Variants in ZNF91 observed in about 807,000 individuals in gnomAD.
ZNF91 encodes the protein zinc finger protein 91 (HPF7, HTF10).
ZNF91 carries 7 observed loss-of-function variants against 12.6 expected under a neutral mutation model. The observed-to-expected ratio is 0.55, with a 90% CI of 0.31 to 1.04. The LOEUF (loss-of-function observed/expected upper bound fraction) is 1.04. ZNF91 is among the 50% of genes least tolerant of loss of function. The pLI, the probability that ZNF91 is intolerant of heterozygous loss-of-function variation, is 0.05. For synonymous variants in ZNF91, 453 were observed against 462.6 expected (o/e 0.98, Z 0.27); for missense variants, 1,217 against 1,385.4 (o/e 0.88, Z 1.93).
At chr19:23,320,435 T>G (rs1470305126) in intron 1 of ZNF91, among the ~76,000 whole-genome samples, 1 of 152,208 alleles carries the variant, frequency 6.6e-6, no homozygotes, top group African/African-American at 2.4e-5. Context: ...GGGATTTAAT[T>G]GACTCACAGT....
exon 1 of ZNF91, chr19:23,310,549 T>C (rs1370353534): frequency 3.3e-5 from 5 of 152,204 alleles, no homozygotes; most frequent in African/African-American, 1.2e-4. Flanking sequence ...CTCTCATACC[T>C]AGAATTTGGA....
chr19:23,326,098 C>G (rs1967832557), intron 1 of ZNF91: 1 of 152,204 alleles, frequency 6.6e-6, no homozygotes, highest in Non-Finnish European at 1.5e-5. Context: ...CCCCTTCCCC[C>G]AGCAAAGAAT....
intron 1 of ZNF91, among the ~76,000 whole-genome samples, chr19:23,382,049 C>CAAAAAAAAAAAAAAAAAAAA (rs60814223): frequency 1.3e-5 from 1 of 79,402 alleles, no homozygotes; most frequent in African/African-American, 4.1e-5. Context: ...AATCCTGAGA[C>CAAAAAAAAAAAAAAAAAAAA]AAAAAAAAAA....
intron 1 of ZNF91, among the ~76,000 whole-genome samples, chr19:23,322,110 C>T (rs1001043016): frequency 4.6e-5 from 7 of 152,292 alleles, no homozygotes; most frequent in Non-Finnish European, 8.8e-5. Context: ...CATGCATCGT[C>T]CCTGCCCCTT....
intron 1 of ZNF91, among the ~76,000 whole-genome samples, chr19:23,323,277 TTC>T (rs1285694696): frequency 6.9e-6 from 1 of 145,322 alleles, no homozygotes; most frequent in African/African-American, 2.5e-5. Context: ...TTCTTCTTTC[TTC>T]TCTCCTCCTC....
At chr19:23,312,934 T>C (rs1436141516), upstream of ZNF91, among the ~76,000 whole-genome samples, 1 of 152,150 alleles carries the variant, frequency 6.6e-6, no homozygotes, top group South Asian at 2.1e-4. Flanking sequence ...TGTTGGAAAA[T>C]TGACTCTTAT....
intron 1 of ZNF91, among the ~76,000 whole-genome samples, chr19:23,386,962 GA>G (rs1244112433): frequency 6.6e-6 from 1 of 151,888 alleles, no homozygotes; most frequent in Non-Finnish European, 1.5e-5. Flanking sequence ...AGTTTACAAG[GA>G]AAAAATACCT....
intron 1 of ZNF91, chr19:23,324,090 T>C (rs974736163): frequency 4.0e-5 from 6 of 149,906 alleles, no homozygotes; most frequent in Non-Finnish European, 7.4e-5. Context: ...TCCTCCTCCT[T>C]CTCTTCCTTT....
chr19:23,373,387 A>ATATAT (rs1568395319), intron 3 of ZNF91, among the ~76,000 whole-genome samples: 826 of 77,918 alleles, frequency 0.011, 29 homozygotes, highest in Middle Eastern at 0.016. Flanking sequence ...TATATATATA[A>ATATAT]ATAAACAGTA....
intron 1 of ZNF91, among the ~76,000 whole-genome samples, chr19:23,333,545 ATG>A (rs1375279859): frequency 6.6e-6 from 1 of 152,160 alleles, no homozygotes; most frequent in African/African-American, 2.4e-5. Flanking sequence ...TGTTTTGAGT[ATG>A]TTTGAGATGG....
At chr19:23,324,545 A>T (rs1488685815) in intron 1 of ZNF91, 1 of 150,978 alleles carries the variant, frequency 6.6e-6, no homozygotes, top group African/African-American at 2.4e-5. Context: ...GTATATACAT[A>T]TGTATGTATA....
At chr19:23,307,940 T>C (rs1967418697) in intron 2 of ZNF91, 1 of 152,262 alleles carries the variant, frequency 6.6e-6, no homozygotes, top group South Asian at 2.1e-4. Context: ...GACATATTTC[T>C]GGGTCCAACA....
intron 3 of ZNF91, among the ~76,000 whole-genome samples, chr19:23,347,438 A>G (rs1198255995): frequency 6.6e-6 from 1 of 152,136 alleles, no homozygotes; most frequent in East Asian, 1.9e-4. Context: ...TGGGAAATCT[A>G]GCAGATAGAG....
chr19:23,352,944 T>C (rs1300374719), downstream of ZNF91, among the ~76,000 whole-genome samples: 1 of 151,874 alleles, frequency 6.6e-6, no homozygotes, highest in Non-Finnish European at 1.5e-5. Flanking sequence ...ACACTGGAGC[T>C]CCCAAATTTA....
intron 3 of ZNF91, among the ~76,000 whole-genome samples, chr19:23,305,493 T>G (rs1967384901): frequency 1.3e-5 from 2 of 152,204 alleles, no homozygotes; most frequent in Admixed American, 1.3e-4. Context: ...CTAGGTGATT[T>G]CAATCAGCCA....
chr19:23,324,552 T>C (rs1311303981), intron 1 of ZNF91: 1 of 151,216 alleles, frequency 6.6e-6, no homozygotes, highest in East Asian at 1.9e-4. Flanking sequence ...CATATGTATG[T>C]ATATACGTAT....
chr19:23,308,923 C>G (rs1599677088), intron 2 of ZNF91: 1 of 152,154 alleles, frequency 6.6e-6, no homozygotes, highest in African/African-American at 2.4e-5. Context: ...GGGCCTAGCA[C>G]CTAAGTAATG....
chr19:23,345,483 A>G (rs577358267), intron 3 of ZNF91, among the ~76,000 whole-genome samples: 1 of 152,214 alleles, frequency 6.6e-6, no homozygotes, highest in East Asian at 1.9e-4. Context: ...AAATGAGGAG[A>G]AATTACTTAT....
intron 3 of ZNF91, among the ~76,000 whole-genome samples, chr19:23,373,359 T>C (rs1969362856): frequency 1.8e-5 from 1 of 55,156 alleles, no homozygotes; most frequent in African/African-American, 7.3e-5. Context: ...TATATATATA[T>C]ATATATATAT....
Sources: allele counts gnomAD v4.1 joint callset (sites outside exome capture counted in the v4.1 genomes callset), GRCh38; gene constraint gnomAD v4.1.1; transcripts MANE v1.5; gene names NCBI Gene and HGNC (gene_info 2026-07-23, HGNC 2026-07-21).